The following SLC4A5 variants were observed in gnomAD, a reference collection of about 807,000 sequenced individuals.
The protein encoded by SLC4A5 is electrogenic sodium bicarbonate cotransporter 4.
In SLC4A5, 96 loss-of-function variants were observed where a neutral mutation model predicts 120.4. The observed-to-expected ratio is 0.80, with a 90% CI of 0.68 to 0.94. SLC4A5 has a LOEUF of 0.94. Among genes scored for constraint, SLC4A5 ranks in the 40% least tolerant of loss-of-function variants. The pLI, the probability that SLC4A5 is intolerant of heterozygous loss-of-function variation, is 0.00. For synonymous variants in SLC4A5, 550 were observed against 571.1 expected (o/e 0.96, Z 0.53); for missense variants, 1,259 against 1,459.5 (o/e 0.86, Z 2.24).
chr2:74,264,124 T>C, intron 10 of SLC4A5, 23 bp downstream of exon 10: 1 of 1,609,016 alleles, frequency 6.2e-7, no homozygotes, highest in Non-Finnish European at 8.5e-7. Flanking sequence ...GTCCCATGCC[T>C]ACCAGCGTAA....
At chr2:74,325,463 CA>C (rs2104326357) in intron 5 of SLC4A5, among the ~76,000 whole-genome samples, 1 of 152,272 alleles carries the variant, frequency 6.6e-6, no homozygotes, top group Admixed American at 6.5e-5. Context: ...TAGAAGAACC[CA>C]AACTCCCTGA....
chr2:74,320,715 C>A (rs950709729), intron 5 of SLC4A5, among the ~76,000 whole-genome samples: 1 of 152,056 alleles, frequency 6.6e-6, no homozygotes, highest in African/African-American at 2.4e-5. Context: ...ACGGGATTCA[C>A]CACAAAAGAT....
At chr2:74,301,419 G>A (rs575019214) in intron 7 of SLC4A5, among the ~76,000 whole-genome samples, 74 of 152,298 alleles carry the variant, frequency 4.9e-4, no homozygotes, top group African/African-American at 1.8e-3. Context: ...CCTGGCCCAG[G>A]CCCCTCATAC....
At chr2:74,304,722 A>C in intron 6 of SLC4A5, 42 bp from the exon 7 acceptor site, 1 of 1,561,594 alleles carries the variant, frequency 6.4e-7, no homozygotes, top group Non-Finnish European at 8.7e-7. Flanking sequence ...AGGGTTACTG[A>C]AAATTGGCAT....
intron 7 of SLC4A5, among the ~76,000 whole-genome samples, chr2:74,289,895 T>C (rs1426588365): frequency 6.6e-6 from 1 of 152,102 alleles, no homozygotes; most frequent in East Asian, 1.9e-4. Flanking sequence ...TAAAATAAAA[T>C]GTAGATTTGA....
intron 25 of SLC4A5, among the ~76,000 whole-genome samples, 171 bp downstream of exon 25, chr2:74,231,065 C>T (rs566550140): frequency 1.3e-5 from 2 of 152,240 alleles, no homozygotes; most frequent in Admixed American, 6.5e-5. Context: ...CCTCGGCCTC[C>T]CAAAGTGCTG....
intron 3 of SLC4A5, among the ~76,000 whole-genome samples, chr2:74,337,877 A>G (rs546680112): frequency 6.6e-6 from 1 of 152,262 alleles, no homozygotes; most frequent in South Asian, 2.1e-4. Flanking sequence ...TATTCTGCCT[A>G]AGATCTTTAA....
chr2:74,285,421 A>T (rs182662754), intron 8 of SLC4A5, among the ~76,000 whole-genome samples: 124 of 152,356 alleles, frequency 8.1e-4, no homozygotes, highest in African/African-American at 2.9e-3. Flanking sequence ...GTAGTTCCAC[A>T]GGGCCAACTG....
At chr2:74,324,300 G>A (rs551514058) in intron 5 of SLC4A5, among the ~76,000 whole-genome samples, 5 of 152,218 alleles carry the variant, frequency 3.3e-5, no homozygotes, top group Admixed American at 6.5e-5. Flanking sequence ...TCGCTTTGTC[G>A]CCCAGGCTGG....
At chr2:74,264,826 G>A in intron 9 of SLC4A5, among the ~76,000 whole-genome samples, 1 of 152,084 alleles carries the variant, frequency 6.6e-6, no homozygotes, top group Non-Finnish European at 1.5e-5. Flanking sequence ...ATGGCAAGAG[G>A]TATCTCTGAC....
chr2:74,268,598 T>C (rs1381298027), intron 8 of SLC4A5, among the ~76,000 whole-genome samples: 2 of 152,238 alleles, frequency 1.3e-5, no homozygotes, highest in African/African-American at 4.8e-5. Flanking sequence ...TGCTCCACAA[T>C]TTCTTTAGGA....
At chr2:74,292,090 A>T (rs1046425285) in intron 7 of SLC4A5, among the ~76,000 whole-genome samples, 3 of 152,184 alleles carry the variant, frequency 2.0e-5, no homozygotes, top group African/African-American at 7.2e-5. Context: ...TAGTTTCCTC[A>T]TCTATGAAGC....
intron 22 of SLC4A5, 145 bp downstream of exon 22, chr2:74,234,956 C>G (rs1335651146): frequency 4.7e-6 from 3 of 635,072 alleles, no homozygotes; most frequent in African/African-American, 3.7e-5. Flanking sequence ...CTCCTGGGAG[C>G]CTGTGTTCAG....
intron 27 of SLC4A5, among the ~76,000 whole-genome samples, chr2:74,225,247 G>A (rs1170079288): frequency 1.3e-5 from 2 of 152,144 alleles, no homozygotes; most frequent in African/African-American, 2.4e-5. Flanking sequence ...TGTGACAGCC[G>A]AAGTGGGGAG....
intron 7 of SLC4A5, among the ~76,000 whole-genome samples, chr2:74,293,504 GCCTTTC>G (rs1233153632): frequency 6.6e-6 from 1 of 152,188 alleles, no homozygotes; most frequent in Non-Finnish European, 1.5e-5. Flanking sequence ...AGTTAGCTGG[GCCTTTC>G]CTGATGGTTT....
At chr2:74,340,160 T>C (rs1673593388) in intron 2 of SLC4A5, among the ~76,000 whole-genome samples, 2 of 152,242 alleles carry the variant, frequency 1.3e-5, no homozygotes, top group Non-Finnish European at 2.9e-5. Context: ...TTAATGCCAC[T>C]GAATTGTACA....
intron 6 of SLC4A5, among the ~76,000 whole-genome samples, chr2:74,313,920 C>A (rs756357898): frequency 2.0e-5 from 3 of 152,150 alleles, no homozygotes; most frequent in Non-Finnish European, 4.4e-5. Flanking sequence ...CCTGGCTTGT[C>A]CTTTACTTGA....
At chr2:74,258,133 C>T (rs745572227) in intron 12 of SLC4A5, among the ~76,000 whole-genome samples, 5 of 152,192 alleles carry the variant, frequency 3.3e-5, no homozygotes, top group East Asian at 1.9e-4. Flanking sequence ...TGCAGCACAA[C>T]GATGCTGTCT....
intron 8 of SLC4A5, among the ~76,000 whole-genome samples, chr2:74,271,149 GCTGCTGGT>G: frequency 6.6e-6 from 1 of 152,248 alleles, no homozygotes; most frequent in South Asian, 2.1e-4. Context: ...GTGTGCTCAT[GCTGCTGGT>G]CTGCAGATCA....
Sources: gnomAD v4.1 joint callset for allele counts (sites outside exome capture counted in the v4.1 genomes callset) on GRCh38, gnomAD v4.1.1 for gene constraint, MANE v1.5 for transcripts, NCBI Gene and HGNC (gene_info 2026-07-23, HGNC 2026-07-21) for gene names.